Variants in NPHS2 observed in about 807,000 individuals in gnomAD.
The protein encoded by NPHS2 is NPHS2 stomatin family member, podocin.
In NPHS2, 36 loss-of-function variants were observed where a neutral mutation model predicts 37.1. The observed-to-expected ratio is 0.97, with a 90% CI of 0.74 to 1.28. The LOEUF is 1.28. Ranked by LOEUF, NPHS2 falls within the 50% of genes most tolerant of loss-of-function variation. The probability of loss-of-function intolerance (pLI) is 0.00; values close to 1 mark genes in which losing one functional copy is unlikely to be tolerated. For synonymous variants in NPHS2, 196 were observed against 189.3 expected (o/e 1.04, Z -0.29); for missense variants, 447 against 488.1 (o/e 0.92, Z 0.79).
intron 6 of NPHS2, 61 bp downstream of exon 6, chr1:179,554,415 A>T (rs889746940): frequency 9.4e-6 from 15 of 1,603,294 alleles, no homozygotes; most frequent in Non-Finnish European, 1.3e-5. Flanking sequence ...TGAAAAATTT[A>T]AAATGAAACC....
At chr1:179,573,596 T>C (rs1455404414) in intron 1 of NPHS2, among the ~76,000 whole-genome samples, 2 of 152,236 alleles carry the variant, frequency 1.3e-5, no homozygotes, top group Non-Finnish European at 2.9e-5. Flanking sequence ...TACCAACATA[T>C]TAATTTTTAT....
intron 1 of NPHS2, among the ~76,000 whole-genome samples, chr1:179,572,150 G>A (rs913488686): frequency 6.6e-6 from 1 of 152,182 alleles, no homozygotes; most frequent in Non-Finnish European, 1.5e-5. Flanking sequence ...CTTCTGTGTC[G>A]ATCATGCTGG....
chr1:179,556,089 A>G lies in NPHS2; in HGVS notation c.738+938T>C, dbSNP rs1673911474. ...TTGCATATATATTATAATCAGTGTA[A>G]CAAGGGCAAGCTTGAATGTCAAGTG... is the stretch of plus-strand genomic sequence containing the variant. On this transcript the variant is annotated intron_variant, in intron 5 of 7. Coordinates refer to ENST00000367615, the MANE Select transcript of NPHS2 (RefSeq NM_014625.4). The surrounding 1 kb of genome is among the most constrained non-coding windows in gnomAD (Gnocchi z 4.1). 1.3e-5 allele frequency among the ~76,000 whole-genome samples: 2 copies of G among 152,250 alleles called. No individual in the cohort carries two copies. Among genetic ancestry groups the G allele is most frequent in the South Asian group, 4.1e-4 (2 of 4,836 alleles).
intron 1 of NPHS2, among the ~76,000 whole-genome samples, chr1:179,566,348 TG>T (rs1474236252): frequency 6.6e-6 from 1 of 152,276 alleles, no homozygotes; most frequent in African/African-American, 2.4e-5. Context: ...ATGTGTCTGT[TG>T]GCTGCATAGA....
intron 4 of NPHS2, among the ~76,000 whole-genome samples, chr1:179,559,026 C>T (rs1674038355): frequency 7.0e-6 from 1 of 143,330 alleles, no homozygotes; most frequent in African/African-American, 2.4e-5. Context: ...TATAGGTATG[C>T]TGGGGTGGGG....
rs1400435367 is a variant in NPHS2, at chr1:179,550,943, T to G, written c.*230A>C. On this transcript the variant is annotated 3_prime_UTR_variant, in exon 8 of 8. Transcript: ENST00000367615. ...AAAGTAGAATGTTGACCAAAGCTGTTTCCCATAATTGCTCTGACTAGATGA... is the reference window on the plus strand; with the variant it reads ...AAAGTAGAATGTTGACCAAAGCTGTGTCCCATAATTGCTCTGACTAGATGA... 1 of 575,390 alleles carries G rather than the reference T, an allele frequency of 1.7e-6. No homozygotes were observed. The highest frequency in any genetic ancestry group is 1.9e-5 in the African/African-American group (1 of 53,402). 35.6% of individuals were successfully genotyped at this position (575,390 alleles called of 1,614,324 possible).
chr1:179,556,165 A>G lies in NPHS2; in HGVS notation c.738+862T>C, dbSNP rs35726184. ...AGGATGAATAAGGAAAGGAGGGTGA[A>G]GGGGGACATCCCATAAAGCATAATT... On this transcript the variant is annotated intron_variant, in intron 5 of 7. Coordinates refer to ENST00000367615, the MANE Select transcript of NPHS2 (RefSeq NM_014625.4). The surrounding 1 kb of genome is among the most constrained non-coding windows in gnomAD (Gnocchi z 4.1). 0.2 allele frequency among the ~76,000 whole-genome samples: 30,006 copies of G among 152,234 alleles called. 3,772 individuals carry two copies. The highest frequency in any genetic ancestry group is 0.27 in the Non-Finnish European group (18,545 of 67,990).
intron 2 of NPHS2, among the ~76,000 whole-genome samples, chr1:179,563,928 C>A (rs1219805695): frequency 6.6e-6 from 1 of 152,182 alleles, no homozygotes; most frequent in Non-Finnish European, 1.5e-5. Flanking sequence ...GTCTTCTCTG[C>A]AGCTACAGCC....
intron 6 of NPHS2, among the ~76,000 whole-genome samples, chr1:179,553,674 A>C (rs1420308120): frequency 6.6e-6 from 1 of 152,230 alleles, no homozygotes; most frequent in South Asian, 2.1e-4. Context: ...GAAATTAGAT[A>C]ATAGTAATGG....
At position 179,556,640 on chromosome 1, in the gene NPHS2, T is replaced by C. The variant is rs1043652192; in HGVS notation, c.738+387A>G. On this transcript the variant is annotated intron_variant, in intron 5 of 7. Transcript: ENST00000367615. The surrounding 1 kb of genome is among the most constrained non-coding windows in gnomAD (Gnocchi z 4.1). ...TATTTAACTTGGCACTCATTATGCT[T>C]GTTTCCCCAGGTAGACAGTAAGCTC... is the stretch of plus-strand genomic sequence containing the variant. Among the ~76,000 whole-genome samples, 8 of 152,214 alleles carry C rather than the reference T, an allele frequency of 5.3e-5. No individual in the cohort carries two copies. Among genetic ancestry groups the C allele is most frequent in the Non-Finnish European group, 1.2e-4 (8 of 68,030 alleles).
intron 2 of NPHS2, among the ~76,000 whole-genome samples, chr1:179,562,956 C>G (rs1004503288): frequency 5.3e-5 from 8 of 152,116 alleles, no homozygotes; most frequent in African/African-American, 1.9e-4. Context: ...CTTAAGTGAC[C>G]AGATCTGAGA....
At chr1:179,574,137 C>T (rs1674669184) in intron 1 of NPHS2, among the ~76,000 whole-genome samples, 1 of 152,126 alleles carries the variant, frequency 6.6e-6, no homozygotes, top group South Asian at 2.1e-4. Context: ...TCGCCCATTG[C>T]TTGAGGTCTC....
chr1:179,573,051 C>G (rs1054475617), intron 1 of NPHS2, among the ~76,000 whole-genome samples: 1 of 152,100 alleles, frequency 6.6e-6, no homozygotes, highest in African/African-American at 2.4e-5. Context: ...AGGCTGGTCT[C>G]AAACTCCAAG....
intron 1 of NPHS2, among the ~76,000 whole-genome samples, chr1:179,571,506 G>A (rs1266541591): frequency 6.6e-6 from 1 of 152,206 alleles, no homozygotes. Flanking sequence ...GTGTCTCCCA[G>A]TTACACTACA....
chr1:179,552,581 G>A (rs760070687), intron 7 of NPHS2, 22 bp downstream of exon 7: 1 of 1,603,716 alleles, frequency 6.2e-7, no homozygotes, highest in Non-Finnish European at 8.5e-7. Flanking sequence ...GGGCAGTCTG[G>A]GTGGGAGGAT....
At position 179,554,478 on chromosome 1, in the gene NPHS2, T is replaced by A. The variant is rs1188000634; in HGVS notation, c.792A>T (p.Glu264Asp). Residue 264 changes from glutamate to aspartate, a missense_variant and splice_region_variant, in exon 6 of 8, where the codon GAA becomes GAT. Transcript: ENST00000367615. ...TTGCTAGTTAATTTCCTACCCACAT[T>A]TCTATTCTCTCCACTTTGATTCCCC... ...CIWGIKVERI[E>D]IKDVRLPAGL... 6.2e-7 allele frequency: 1 copy of A among 1,614,150 alleles called. No individual in the cohort carries two copies. The highest frequency in any genetic ancestry group is 8.5e-7 in the Non-Finnish European group (1 of 1,180,018).
At chr1:179,573,648 A>C (rs1029561609) in intron 1 of NPHS2, among the ~76,000 whole-genome samples, 2 of 152,246 alleles carry the variant, frequency 1.3e-5, no homozygotes, top group African/African-American at 4.8e-5. Context: ...TATCATTGCC[A>C]GTTTTAATTA....
intron 2 of NPHS2, among the ~76,000 whole-genome samples, chr1:179,561,587 G>T (rs1356072234): frequency 6.6e-6 from 1 of 152,132 alleles, no homozygotes; most frequent in East Asian, 1.9e-4. Context: ...ACAGAATTTT[G>T]ATTAAAGACT....
chr1:179,552,488 C>T (rs1004868937), intron 7 of NPHS2, 115 bp downstream of exon 7: 14 of 809,126 alleles, frequency 1.7e-5, no homozygotes, highest in African/African-American at 3.4e-5. Flanking sequence ...TGTAAGGGCC[C>T]AAGACAGCTT....
Sources: allele counts gnomAD v4.1 joint callset (sites outside exome capture counted in the v4.1 genomes callset), GRCh38; gene constraint gnomAD v4.1.1; non-coding constraint Gnocchi (gnomAD v3.1); transcripts MANE v1.5; gene names NCBI Gene and HGNC (gene_info 2026-07-23, HGNC 2026-07-21).